Variants in MACROD2 observed in about 807,000 individuals in gnomAD.
The protein encoded by MACROD2 is ADP-ribose glycohydrolase MACROD2.
In MACROD2, 36 loss-of-function variants were observed where a neutral mutation model predicts 70.4. The ratio of observed to expected loss-of-function variants is 0.51; its 90% CI spans 0.39 to 0.68. MACROD2 has a LOEUF of 0.68. MACROD2 is among the 30% of genes least tolerant of loss of function. The pLI, the probability that MACROD2 is intolerant of heterozygous loss-of-function variation, is 0.00. For synonymous variants in MACROD2, 172 were observed against 178.8 expected (o/e 0.96, Z 0.30); for missense variants, 496 against 538.4 (o/e 0.92, Z 0.78).
chr20:15,498,008 T>C lies in MACROD2; in HGVS notation c.572-1766T>C, dbSNP rs144608267. ...AAAATTTAAGAGTTTTACATTTTGG[T>C]GCATTCATTTAAAGAAAACGAATAG... On this transcript the variant is annotated intron_variant, in intron 7 of 17. Transcript: ENST00000684519. Among the ~76,000 whole-genome samples the C allele has an allele frequency of 6.3e-3, 959 of 152,320 alleles. 11 individuals carry two copies. The highest frequency in any genetic ancestry group is 0.022 in the African/African-American group (916 of 41,582).
At chr20:15,970,614 C>A (rs143472098) in intron 13 of MACROD2, among the ~76,000 whole-genome samples, 1 of 152,146 alleles carries the variant, frequency 6.6e-6, no homozygotes, top group Admixed American at 6.5e-5. Flanking sequence ...AAACTCTCCA[C>A]GTTGAGGAGA....
At chr20:14,498,789 A>T (rs1451655309) in intron 4 of MACROD2, among the ~76,000 whole-genome samples, 3 of 152,228 alleles carry the variant, frequency 2.0e-5, no homozygotes, top group African/African-American at 7.2e-5. Flanking sequence ...TTTTGTCTTA[A>T]GCATTCACAA....
intron 5 of MACROD2, among the ~76,000 whole-genome samples, chr20:14,787,445 T>C (rs2072388652): frequency 6.6e-6 from 1 of 152,220 alleles, no homozygotes. Context: ...CTTGAAGAGA[T>C]GTAATATGAA....
intron 7 of MACROD2, among the ~76,000 whole-genome samples, chr20:15,433,773 A>G (rs6135409): frequency 6.6e-6 from 1 of 151,124 alleles, no homozygotes; most frequent in Non-Finnish European, 1.5e-5. Flanking sequence ...ATCTGGAGGC[A>G]TGACATTACT....
chr20:15,240,479 G>A (rs945548584), intron 6 of MACROD2, among the ~76,000 whole-genome samples: 1 of 152,142 alleles, frequency 6.6e-6, no homozygotes, highest in Non-Finnish European at 1.5e-5. Context: ...TGAGACAGAA[G>A]GATCATTTGA....
At chr20:14,827,321 T>G (rs1258999815) in intron 5 of MACROD2, among the ~76,000 whole-genome samples, 1 of 152,150 alleles carries the variant, frequency 6.6e-6, no homozygotes, top group African/African-American at 2.4e-5. Context: ...AAGTAGGAAG[T>G]TGTAACAGTT....
intron 5 of MACROD2, among the ~76,000 whole-genome samples, chr20:14,943,124 T>G (rs771239722): frequency 3.9e-5 from 6 of 152,178 alleles, no homozygotes; most frequent in Non-Finnish European, 8.8e-5. Context: ...AGTTGAAAAG[T>G]GTTCAAGTGT....
At chr20:14,600,542 C>T (rs1982429945) in intron 4 of MACROD2, among the ~76,000 whole-genome samples, 1 of 152,024 alleles carries the variant, frequency 6.6e-6, no homozygotes, top group African/African-American at 2.4e-5. Flanking sequence ...GTGATAGGCA[C>T]AATTCTATGT....
In MACROD2 at chr20:15,547,138, G is replaced by A. The variant is rs1398700070; in HGVS notation, c.645+47291G>A. ...CAAGGTCTACTTAAAGCCCATTAGTGTGGCCTTCACTATATTTCAGTTTCA... is the reference window on the plus strand; with the variant it reads ...CAAGGTCTACTTAAAGCCCATTAGTATGGCCTTCACTATATTTCAGTTTCA... On this transcript the variant is annotated intron_variant, in intron 8 of 17. Coordinates refer to ENST00000684519, the MANE Select transcript of MACROD2 (RefSeq NM_001351661.2). Among the ~76,000 whole-genome samples the A allele has an allele frequency of 4.6e-5, 7 of 152,172 alleles. No individual in the cohort carries two copies. The East Asian group carries it at 1.3e-3, about 29-fold the overall frequency.
chr20:15,260,205 A>G (rs1373777594), intron 6 of MACROD2, among the ~76,000 whole-genome samples: 1 of 151,580 alleles, frequency 6.6e-6, no homozygotes. Flanking sequence ...TAGTTGCCCT[A>G]TTGTGATACT....
chr20:14,778,850 A>G (rs956929383), intron 5 of MACROD2, among the ~76,000 whole-genome samples: 1 of 152,088 alleles, frequency 6.6e-6, no homozygotes, highest in African/African-American at 2.4e-5. Flanking sequence ...TACTTTCATG[A>G]TCAAGCATTC....
At chr20:15,926,488 C>T (rs897448475) in intron 10 of MACROD2, among the ~76,000 whole-genome samples, 1 of 152,112 alleles carries the variant, frequency 6.6e-6, no homozygotes, top group African/African-American at 2.4e-5. Flanking sequence ...AACATGATAC[C>T]TACCTAAATT....
At chr20:14,280,483 A>T (rs1195839876) in intron 3 of MACROD2, among the ~76,000 whole-genome samples, 1 of 152,164 alleles carries the variant, frequency 6.6e-6, no homozygotes, top group African/African-American at 2.4e-5. Context: ...TGGTAGAGGA[A>T]TGCCACCTAG....
chr20:14,500,587 C>A (rs2084905665), intron 4 of MACROD2, among the ~76,000 whole-genome samples: 1 of 152,174 alleles, frequency 6.6e-6, no homozygotes, highest in Non-Finnish European at 1.5e-5. Context: ...GGGGAGGGTT[C>A]AAAATCCAAG....
chr20:14,702,625 A>G (rs1437448510), intron 5 of MACROD2, among the ~76,000 whole-genome samples: 5 of 53,164 alleles, frequency 9.4e-5, no homozygotes, highest in East Asian at 1.1e-3. Flanking sequence ...ATATATATAT[A>G]CATATATATA....
chr20:15,656,571 A>G (rs1349553223), intron 8 of MACROD2, among the ~76,000 whole-genome samples: 1 of 152,202 alleles, frequency 6.6e-6, no homozygotes, highest in Non-Finnish European at 1.5e-5. Flanking sequence ...GCCAAACCCC[A>G]GAGTTGGAAC....
chr20:14,971,594 T>C (rs746545353), intron 5 of MACROD2, among the ~76,000 whole-genome samples: 1 of 152,090 alleles, frequency 6.6e-6, no homozygotes, highest in Non-Finnish European at 1.5e-5. Flanking sequence ...GTTGACTGGG[T>C]TCACTGGGGC....
chr20:15,635,648 T>C (rs1002251699), intron 8 of MACROD2, among the ~76,000 whole-genome samples: 4 of 152,158 alleles, frequency 2.6e-5, no homozygotes, highest in Admixed American at 6.5e-5. Context: ...GTGCTCACAA[T>C]TGATGGGACC....
At chr20:15,606,148 G>A (rs553665885) in intron 8 of MACROD2, among the ~76,000 whole-genome samples, 1 of 152,002 alleles carries the variant, frequency 6.6e-6, no homozygotes, top group East Asian at 1.9e-4. Context: ...TCTATTCTCC[G>A]CCTGTGTGAG....
Sources: gnomAD v4.1 joint callset for allele counts (sites outside exome capture counted in the v4.1 genomes callset) on GRCh38, gnomAD v4.1.1 for gene constraint, MANE v1.5 for transcripts, NCBI Gene and HGNC (gene_info 2026-07-23, HGNC 2026-07-21) for gene names.